Variants in DOCK2 observed in about 807,000 individuals in gnomAD.
The protein encoded by DOCK2 is dedicator of cytokinesis 2.
In DOCK2, 87 loss-of-function variants were observed where a neutral mutation model predicts 248.9. The ratio of observed to expected loss-of-function variants is 0.35; its 90% confidence interval spans 0.29 to 0.42. The LOEUF is 0.42. Ranked by LOEUF, DOCK2 falls within the 10% of genes least tolerant of loss-of-function variation. The pLI, the probability that DOCK2 is intolerant of heterozygous loss-of-function variation, is 1.00. For missense variants in DOCK2, 1,747 were observed against 2,300.2 expected (o/e 0.76, Z 4.92); for synonymous variants, 805 against 821.6 (o/e 0.98, Z 0.35).
chr5:169,960,368 G>C (rs937298636), intron 27 of DOCK2, among the ~76,000 whole-genome samples: 1 of 152,106 alleles, frequency 6.6e-6, no homozygotes, highest in Non-Finnish European at 1.5e-5. Flanking sequence ...TGCTATTTCT[G>C]GTTCTTGTAG....
In DOCK2 at chr5:169,822,583, A is replaced by G. The variant is rs983612248; in HGVS notation, c.2704-18174A>G. On this transcript the variant is annotated intron_variant, in intron 26 of 51. Coordinates refer to ENST00000520908, the MANE Select transcript of DOCK2 (RefSeq NM_004946.3). ...CTTTGAAACCAACGAGAACAAAGAC[A>G]CAACACGCCAGAATCTCTGGGACAC... Among the ~76,000 whole-genome samples, 30 of 152,346 alleles carry G rather than the reference A, an allele frequency of 2.0e-4. 1 individual carries two copies. The highest frequency in any genetic ancestry group is 1.4e-3 in the Admixed American group (21 of 15,310).
At position 169,872,191 on chromosome 5, in the gene DOCK2, C is replaced by G. The variant is rs1772021088; in HGVS notation, c.2799+31339C>G. On this transcript the variant is annotated intron_variant, in intron 27 of 51. Coordinates refer to ENST00000520908, the MANE Select transcript of DOCK2 (RefSeq NM_004946.3). ...TTCTGTGGTCCCTGTTTCTACAGAA[C>G]CCAGGTGCACCACTGATTTACTGAC... Among the ~76,000 whole-genome samples, 3 of 152,184 alleles carry G rather than the reference C, an allele frequency of 2.0e-5. No homozygotes were observed. The South Asian group carries it at 6.2e-4, about 32-fold the overall frequency.
rs1339139753 is a variant in DOCK2 at position 170,008,222 on chromosome 5, CAACAAAA to C, written c.3073-272_3073-266del. Among the ~76,000 whole-genome samples, 7 of 49,180 alleles carry C rather than the reference CAACAAAA, an allele frequency of 1.4e-4. No individual in the cohort carries two copies. The South Asian group carries it at 1.7e-3, about 12-fold the overall frequency. The allele number at this position is 49,180 out of a possible 152,430, so 32.3% of individuals were successfully genotyped here. ...ACAACAACAACAACAACAACAACAA[CAACAAAA>C]AAAAAAAAACCTAAAATTCTCCTCC... On this transcript the variant is annotated intron_variant, in intron 30 of 51. Transcript: ENST00000520908.
At chr5:169,928,727 CT>C (rs1261011150) in intron 27 of DOCK2, among the ~76,000 whole-genome samples, 2 of 152,120 alleles carry the variant, frequency 1.3e-5, no homozygotes, top group Non-Finnish European at 1.5e-5. Context: ...GTTATGACAC[CT>C]TCATAGAGAA....
chr5:169,905,489 C>T (rs1418358017), intron 27 of DOCK2, among the ~76,000 whole-genome samples: 3 of 152,266 alleles, frequency 2.0e-5, no homozygotes, highest in Non-Finnish European at 4.4e-5. Flanking sequence ...ATAAATAGCT[C>T]GAGGCTGCCA....
chr5:170,019,099 T>C lies in DOCK2; in HGVS notation c.3372T>C (p.Asp1124=). The C allele has an allele frequency of 6.2e-7, 1 of 1,613,942 alleles. No homozygotes were observed. The stretch of plus-strand genomic sequence containing the variant: ...TGTGTGAATATCAAAGAAGTGGGGA[T>C]TTCAAAAAGGTAAAAAATGAGGCCG... ...MMLCEYQRSG[D]FKKFENEIIL... is the part of the protein sequence containing the mutation. Residue 1124 remains aspartate, a synonymous_variant, in exon 33 of 52, where the codon GAT becomes GAC. Transcript: ENST00000520908.
At position 170,077,824 on chromosome 5, in the gene DOCK2, C is replaced by T. The variant is rs746328686; in HGVS notation, c.4981C>T (p.Pro1661Ser). 1.2e-6 allele frequency: 2 copies of T among 1,613,158 alleles called. No individual in the cohort carries two copies. Among genetic ancestry groups the T allele is most frequent in the Non-Finnish European group, 1.7e-6 (2 of 1,179,908 alleles). Residue 1661 changes from proline (P) to serine (S), a missense_variant, in exon 48 of 52, where the codon CCT becomes TCT. Physicochemically the swap from Pro to Ser is moderately conservative, Grantham distance 74. Transcript: ENST00000520908. Reference protein sequence around the residue: ...MNSDCSTPSKPTSESFDLELA... With the variant: ...MNSDCSTPSKSTSESFDLELA... ...TTCTGACTGCAGCACCCCCAGCAAG[C>T]CTACCTCAGAGAGGTCAGTCCCTGC... is the stretch of plus-strand genomic sequence containing the variant.
At chr5:169,820,546 G>T (rs1328111902) in intron 26 of DOCK2, among the ~76,000 whole-genome samples, 1 of 150,856 alleles carries the variant, frequency 6.6e-6, no homozygotes, top group East Asian at 1.9e-4. Flanking sequence ...CAACAGACCT[G>T]CAGCTGAGGG....
At chr5:169,932,893 A>G (rs1775822525) in intron 27 of DOCK2, among the ~76,000 whole-genome samples, 1 of 152,178 alleles carries the variant, frequency 6.6e-6, no homozygotes, top group South Asian at 2.1e-4. Context: ...AGAATATTCT[A>G]GTACCAATCC....
intron 29 of DOCK2, among the ~76,000 whole-genome samples, chr5:169,992,327 C>G (rs927097914): frequency 1.3e-5 from 2 of 152,180 alleles, no homozygotes; most frequent in African/African-American, 2.4e-5. Flanking sequence ...GCAACACAGA[C>G]GAGACACAGC....
intron 27 of DOCK2, among the ~76,000 whole-genome samples, chr5:169,904,975 T>A (rs192570610): frequency 7.9e-4 from 120 of 152,214 alleles, no homozygotes; most frequent in African/African-American, 2.9e-3. Context: ...TGTGTGACCT[T>A]GACTAAGCAA....
intron 27 of DOCK2, among the ~76,000 whole-genome samples, chr5:169,954,362 A>T (rs1407461159): frequency 6.6e-6 from 1 of 152,248 alleles, no homozygotes; most frequent in Non-Finnish European, 1.5e-5. Context: ...ATAACATTCC[A>T]TTATGTAGAC....
intron 24 of DOCK2, 102 bp downstream of exon 24, chr5:169,759,877 G>T (rs1328600090): frequency 3.1e-6 from 4 of 1,297,444 alleles, no homozygotes; most frequent in Admixed American, 1.8e-5. Flanking sequence ...ACTCAGCTTG[G>T]GGATGGGGAA....
chr5:169,869,723 TC>T (rs1481862783), intron 27 of DOCK2, among the ~76,000 whole-genome samples: 1 of 152,216 alleles, frequency 6.6e-6, no homozygotes, highest in Admixed American at 6.5e-5. Context: ...TGAAGTTAAT[TC>T]TTAGCAGAGC....
At chr5:170,005,936 T>G (rs915054183) in intron 30 of DOCK2, among the ~76,000 whole-genome samples, 1 of 152,228 alleles carries the variant, frequency 6.6e-6, no homozygotes, top group Non-Finnish European at 1.5e-5. Flanking sequence ...CTATTTCCCA[T>G]GTACCTTAAT....
chr5:169,801,417 G>A (rs562098417), intron 25 of DOCK2, among the ~76,000 whole-genome samples: 5 of 152,186 alleles, frequency 3.3e-5, no homozygotes, highest in East Asian at 1.9e-4. Context: ...CAGCAAAACG[G>A]GGAAATAATA....
rs1259010477 is a variant in DOCK2 at position 169,883,820 on chromosome 5, G to A, written c.2799+42968G>A. The A allele has an allele frequency of 1.9e-6, 3 of 1,549,554 alleles. No homozygotes were observed. The Admixed American group carries it at 5.9e-5, about 31-fold the overall frequency. ...TGGGATTTGCTCCTGCGGTGGTGAG[G>A]TTGTTTCACAAACTCCACTGATTCT... On this transcript the variant is annotated intron_variant, in intron 27 of 51. Coordinates refer to ENST00000520908, the MANE Select transcript of DOCK2 (RefSeq NM_004946.3).
intron 27 of DOCK2, among the ~76,000 whole-genome samples, chr5:169,926,904 A>G (rs1424969253): frequency 6.6e-6 from 1 of 152,270 alleles, no homozygotes; most frequent in Admixed American, 6.5e-5. Flanking sequence ...ATTGTAAATT[A>G]TGATACAAAA....
At chr5:169,706,363 A>G (rs1378142536) in intron 14 of DOCK2, among the ~76,000 whole-genome samples, 1 of 152,236 alleles carries the variant, frequency 6.6e-6, no homozygotes, top group African/African-American at 2.4e-5. Flanking sequence ...CTAGGTTCTT[A>G]TAGAAGGAAC....
Sources: gnomAD v4.1 joint callset for allele counts (sites outside exome capture counted in the v4.1 genomes callset) on GRCh38, gnomAD v4.1.1 for gene constraint, MANE v1.5 for transcripts, NCBI Gene and HGNC (gene_info 2026-07-23, HGNC 2026-07-21) for gene names.